The following ARSF variants were observed in gnomAD, a reference collection of about 807,000 sequenced individuals.
ARSF encodes arylsulfatase F.
In ARSF, 33 loss-of-function variants were observed where a neutral mutation model predicts 35.4. The ratio of observed to expected loss-of-function variants is 0.93; its 90% CI spans 0.71 to 1.25. The LOEUF (loss-of-function observed/expected upper bound fraction) is 1.25. ARSF is among the 50% of genes most tolerant of loss of function. The probability of loss-of-function intolerance (pLI) is 0.00; values close to 1 mark genes in which losing one functional copy is unlikely to be tolerated. For missense variants in ARSF, 501 were observed against 480.2 expected, an observed-to-expected ratio of 1.04 and a Z score of -0.40; for synonymous variants, 222 against 193.1, an observed-to-expected ratio of 1.15 and a Z score of -1.24.
chrX:3,087,867 A>G (rs2090259331), intron 6 of ARSF, among the ~76,000 whole-genome samples: 1 of 111,856 alleles, frequency 8.9e-6, no homozygotes, highest in Non-Finnish European at 1.9e-5. Flanking sequence ...ATCTTAAGTA[A>G]TTAAATCTCC....
rs2090454321 is a variant in ARSF at position 3,112,538 on chromosome X, T to A, written c.1755T>A (p.Gly585=). The A allele has an allele frequency of 8.3e-7, 1 of 1,201,856 alleles. No individual in the cohort carries two copies. The highest frequency in any genetic ancestry group is 2.2e-5 in the Admixed American group (1 of 45,059). The part of the protein sequence containing the change: ...DKEEEVSQPR[G]PNEKR ...AAGAGGAAGTCTCTCAGCCTCGGGG[T>A]CCTAACGAGAAGAGATAATTACAAT... The change falls in exon 11 of 11, where the codon GGT becomes GGA. Residue 585 remains glycine, a synonymous_variant. Coordinates refer to ENST00000381127, the MANE Select transcript of ARSF (RefSeq NM_001201539.2).
intron 9 of ARSF, among the ~76,000 whole-genome samples, chrX:3,107,547 A>G (rs5939450): frequency 0.12 from 13,407 of 110,951 alleles, 800 homozygotes; most frequent in African/African-American, 0.23. Context: ...GTATTTCATA[A>G]GATTTTCTAG....
chrX:3,087,695 T>A (rs2090257925), intron 6 of ARSF, among the ~76,000 whole-genome samples: 1 of 111,899 alleles, frequency 8.9e-6, no homozygotes, highest in Non-Finnish European at 1.9e-5. Context: ...TAGGGGAGGA[T>A]CTCTTCTGCC....
chrX:3,092,933 G>C (rs774030670), intron 7 of ARSF, among the ~76,000 whole-genome samples: 51 of 112,130 alleles, frequency 4.5e-4, no homozygotes, highest in Admixed American at 1.5e-3. Flanking sequence ...AGCACTTTGG[G>C]AGGCCAAGGC....
chrX:3,112,114 T>A, intron 10 of ARSF, 60 bp from the exon 11 acceptor site: 1 of 1,045,408 alleles, frequency 9.6e-7, no homozygotes, highest in Non-Finnish European at 1.3e-6. Flanking sequence ...ACACTAGGAC[T>A]TCTTCCTTTG....
chrX:3,059,691 A>G (rs1030998162), intron 1 of ARSF, among the ~76,000 whole-genome samples: 2 of 112,543 alleles, frequency 1.8e-5, no homozygotes, highest in Non-Finnish European at 3.8e-5. Flanking sequence ...CTGCTAGCAC[A>G]GCAGTCTGAG....
chrX:3,048,889 G>A (rs771616206), intron 1 of ARSF, among the ~76,000 whole-genome samples: 38 of 112,453 alleles, frequency 3.4e-4, no homozygotes, highest in Middle Eastern at 4.6e-3. Flanking sequence ...TGGTTCAAGG[G>A]TCCCCTTCTA....
At chrX:3,076,321 C>T (rs941370147) in intron 3 of ARSF, among the ~76,000 whole-genome samples, 3 of 59,602 alleles carry the variant, frequency 5.0e-5, no homozygotes, top group African/African-American at 1.8e-4. Flanking sequence ...TTTTCTGTTG[C>T]TCTCTTTCTC....
chrX:3,046,841 C>T (rs2089977429), intron 1 of ARSF, among the ~76,000 whole-genome samples: 1 of 111,134 alleles, frequency 9.0e-6, no homozygotes, highest in Non-Finnish European at 1.9e-5. Context: ...AACCAAGTAA[C>T]TATTAAACCC....
intron 8 of ARSF, among the ~76,000 whole-genome samples, chrX:3,103,000 G>A (rs372413604): frequency 6.3e-5 from 7 of 111,831 alleles, no homozygotes; most frequent in African/African-American, 2.3e-4. Flanking sequence ...AATTAACACA[G>A]GACAGTGGCC....
chrX:3,094,582 T>G (rs991018684), intron 7 of ARSF, among the ~76,000 whole-genome samples: 5 of 111,838 alleles, frequency 4.5e-5, no homozygotes, highest in African/African-American at 1.6e-4. Flanking sequence ...TTCTCAAGAA[T>G]GCAGATAAGA....
intron 7 of ARSF, among the ~76,000 whole-genome samples, chrX:3,096,000 ATAC>A (rs2090336253): frequency 9.2e-6 from 1 of 108,469 alleles, no homozygotes; most frequent in African/African-American, 3.3e-5. Flanking sequence ...AAATACATAT[ATAC>A]TACATGTTAT....
intron 1 of ARSF, among the ~76,000 whole-genome samples, chrX:3,060,558 A>G (rs1295933517): frequency 9.0e-6 from 1 of 111,527 alleles, no homozygotes; most frequent in Non-Finnish European, 1.9e-5. Context: ...GGACGCTAAA[A>G]ACCTTGAAAA....
At chrX:3,093,463 T>C (rs1046546059) in intron 7 of ARSF, among the ~76,000 whole-genome samples, 1 of 111,481 alleles carries the variant, frequency 9.0e-6, no homozygotes, top group Non-Finnish European at 1.9e-5. Flanking sequence ...CATCTTTATG[T>C]CCATGAGTAC....
At chrX:3,059,184 C>A (rs906655542) in intron 1 of ARSF, among the ~76,000 whole-genome samples, 1 of 111,416 alleles carries the variant, frequency 9.0e-6, no homozygotes, top group African/African-American at 3.3e-5. Context: ...AAAATGCGGC[C>A]AGGCACGGTG....
At chrX:3,074,827 G>A (rs2090134414) in intron 3 of ARSF, among the ~76,000 whole-genome samples, 1 of 111,267 alleles carries the variant, frequency 9.0e-6, no homozygotes, top group Non-Finnish European at 1.9e-5. Context: ...TCCGTGAAAT[G>A]TTGTATCCTT....
chrX:3,081,146 A>G, intron 5 of ARSF, 133 bp downstream of exon 5: 3 of 901,234 alleles, frequency 3.3e-6, no homozygotes, highest in Non-Finnish European at 4.5e-6. Context: ...GCCCATGCCT[A>G]CAATCCCAGT....
rs2090431861 is a variant in ARSF, at chrX:3,109,707, C to T, written c.1266-421C>T. 4.5e-5 allele frequency among the ~76,000 whole-genome samples: 5 copies of T among 111,791 alleles called. No individual in the cohort carries two copies. In the Admixed American group the frequency reaches 4.8e-4, roughly 11 times the overall value. ...CATGGTGATTGGTTTTCTGTTTGTG[C>T]GTTCATTTACTCCATTTCTCATATA... On this transcript the variant is annotated intron_variant, in intron 9 of 10. Coordinates refer to ENST00000381127, the MANE Select transcript of ARSF (RefSeq NM_001201539.2).
intron 10 of ARSF, among the ~76,000 whole-genome samples, chrX:3,110,481 T>G (rs2090438015): frequency 8.9e-6 from 1 of 112,478 alleles, no homozygotes; most frequent in Non-Finnish European, 1.9e-5. Flanking sequence ...GCACATACAT[T>G]AAAACATCAC....
Sources: gnomAD v4.1 joint callset for allele counts (sites outside exome capture counted in the v4.1 genomes callset) on GRCh38, gnomAD v4.1.1 for gene constraint, MANE v1.5 for transcripts, NCBI Gene and HGNC (gene_info 2026-07-23, HGNC 2026-07-21) for gene names.